Variants in JAKMIP3 observed in about 807,000 individuals in gnomAD.
The protein encoded by JAKMIP3 is janus kinase and microtubule-interacting protein 3.
In JAKMIP3, 58 loss-of-function variants were observed where a neutral mutation model predicts 118.5. The observed-to-expected ratio is 0.49, with a 90% confidence interval of 0.40 to 0.61. The LOEUF (loss-of-function observed/expected upper bound fraction) is 0.61, where lower values mean the gene tolerates loss of function less well. JAKMIP3 is among the 20% of genes least tolerant of loss of function. The pLI is 0.00. For synonymous variants in JAKMIP3, 486 were observed against 451.2 expected, an observed-to-expected ratio of 1.08 and a Z score of -0.98; for missense variants, 950 against 1,109.0, an observed-to-expected ratio of 0.86 and a Z score of 2.04.
chr10:132,059,380 T>C lies in JAKMIP3; in HGVS notation c.-138+22642T>C, dbSNP rs2038331311. On this transcript the variant is annotated intron_variant, in intron 1 of 23. Coordinates refer to the JAKMIP3 transcript ENST00000657785. ...ATATGAGCCAATATTTTCCATTTTA[T>C]TGGAGATGAAGGTGCAAGAGATTGA... 1.3e-5 allele frequency among the ~76,000 whole-genome samples: 2 copies of C among 152,232 alleles called. 1 individual carries two copies. Among genetic ancestry groups the C allele is most frequent in the South Asian group, 4.1e-4 (2 of 4,834 alleles).
At chr10:132,172,243 G>A (rs1047188402) in intron 23 of JAKMIP3, among the ~76,000 whole-genome samples, 9 of 152,278 alleles carry the variant, frequency 5.9e-5, no homozygotes, top group African/African-American at 2.2e-4. Context: ...CATCTGGGGG[G>A]CATGCCCCAG....
At chr10:132,093,521 G>T (rs894647880) in intron 1 of JAKMIP3, among the ~76,000 whole-genome samples, 4 of 152,200 alleles carry the variant, frequency 2.6e-5, no homozygotes, top group African/African-American at 9.7e-5. Flanking sequence ...CTCCGTGGGC[G>T]TGGGACCCTC....
At chr10:132,147,853 C>T (rs546621437) in intron 13 of JAKMIP3, 99 bp from the exon 14 acceptor site, 234 of 848,308 alleles carry the variant, frequency 2.8e-4, no homozygotes, top group East Asian at 4.1e-4. Context: ...CCGGCCTCCC[C>T]GGCAGCCAGC....
At chr10:132,070,440 GC>G (rs1354016494) in intron 1 of JAKMIP3, among the ~76,000 whole-genome samples, 1 of 152,140 alleles carries the variant, frequency 6.6e-6, no homozygotes, top group East Asian at 1.9e-4. Context: ...GAGCCACCGC[GC>G]CCGACCTGTC....
At chr10:132,064,683 T>C (rs998093036), upstream of JAKMIP3, among the ~76,000 whole-genome samples, 2 of 152,160 alleles carry the variant, frequency 1.3e-5, no homozygotes, top group African/African-American at 2.4e-5. The surrounding 1 kb of genome is among the most constrained non-coding windows in gnomAD (Gnocchi z 4.4). Flanking sequence ...TGGAGGGTTG[T>C]TGCATCACCC....
At chr10:132,085,977 T>C (rs2042347729) in intron 1 of JAKMIP3, among the ~76,000 whole-genome samples, 1 of 152,148 alleles carries the variant, frequency 6.6e-6, no homozygotes, top group African/African-American at 2.4e-5. Context: ...GTTTGTGCTC[T>C]TGCAGATTTT....
At chr10:132,172,967 CT>C (rs2059655614) in intron 23 of JAKMIP3, among the ~76,000 whole-genome samples, 3 of 123,858 alleles carry the variant, frequency 2.4e-5, no homozygotes, top group Non-Finnish European at 5.1e-5. Flanking sequence ...CTCTCCTTCC[CT>C]CTCTCTCCTT....
rs918325097 is a variant in JAKMIP3, at chr10:132,183,743, G to T, written c.*2490G>T. On this transcript the variant is annotated 3_prime_UTR_variant, in exon 24 of 24. Coordinates refer to ENST00000684848, the MANE Select transcript of JAKMIP3 (RefSeq NM_001323087.2). Reference sequence around the variant, plus strand: ...CATTGTTTTCACTCGTCTATCATAGGCACCTTCTTTACATCTGATTACAAT... The same window carrying T: ...CATTGTTTTCACTCGTCTATCATAGTCACCTTCTTTACATCTGATTACAAT... 1 of 152,090 alleles carries T rather than the reference G, an allele frequency of 6.6e-6. No homozygotes were observed. The highest frequency in any genetic ancestry group is 2.4e-5 in the African/African-American group (1 of 41,400). 9.4% of individuals were successfully genotyped at this position (152,090 alleles called of 1,614,324 possible).
At position 132,044,886 on chromosome 10, in the gene JAKMIP3, G is replaced by A. The variant is rs1314325751; in HGVS notation, c.-138+8148G>A. On this transcript the variant is annotated intron_variant, in intron 1 of 23. Coordinates refer to the JAKMIP3 transcript ENST00000657785. The surrounding 1 kb of genome is among the most constrained non-coding windows in gnomAD (Gnocchi z 5.3). ...GTAGAATCATGGTATTTGTGCGTGT[G>A]TGTGACTGGCGTGCTTCACCGTGTT... Among the ~76,000 whole-genome samples, 1 of 149,586 alleles carries A rather than the reference G, an allele frequency of 6.7e-6. No individual in the cohort carries two copies. The highest frequency in any genetic ancestry group is 1.5e-5 in the Non-Finnish European group (1 of 67,382).
At chr10:132,037,186 A>G (rs1589993242) in intron 1 of JAKMIP3, among the ~76,000 whole-genome samples, 1 of 152,338 alleles carries the variant, frequency 6.6e-6, no homozygotes, top group East Asian at 1.9e-4. Context: ...GGGAAGCCAG[A>G]GAATAAAGGC....
At chr10:132,063,198 C>A (rs2038463676), upstream of JAKMIP3, among the ~76,000 whole-genome samples, 1 of 152,194 alleles carries the variant, frequency 6.6e-6, no homozygotes, top group African/African-American at 2.4e-5. Context: ...TGGGATCAGA[C>A]TTGGGCCTCG....
intron 1 of JAKMIP3, among the ~76,000 whole-genome samples, chr10:132,081,478 C>A (rs926557620): frequency 1.2e-4 from 19 of 152,166 alleles, no homozygotes; most frequent in Non-Finnish European, 2.6e-4. Flanking sequence ...GTGTTGCCTG[C>A]ATCACAGACC....
rs1565021012 is a variant in JAKMIP3, at chr10:132,180,706, TGCGCGTGTGTGTGC to T, written c.*1104-1649_*1104-1636del. The stretch of plus-strand genomic sequence containing the variant: ...GCGTGTGTGTGCGTGCGTGTGTGTG[TGCGCGTGTGTGTGC>T]GTGTGTGTGCGTGTGTGCGTGCGTG... On this transcript the variant is annotated intron_variant, in intron 23 of 23. Transcript: ENST00000684848. Among the ~76,000 whole-genome samples, 8 of 25,898 alleles carry T rather than the reference TGCGCGTGTGTGTGC, an allele frequency of 3.1e-4. 3 individuals are homozygous for T. In the East Asian group the frequency reaches 0.016, roughly 51 times the overall value. 17.0% of individuals were successfully genotyped at this position (25,898 alleles called of 152,430 possible).
chr10:132,170,147 C>G (rs767077261), intron 23 of JAKMIP3: 1 of 152,308 alleles, frequency 6.6e-6, no homozygotes, highest in African/African-American at 2.4e-5. Flanking sequence ...CCCACCATCC[C>G]TCAGGACATG....
intron 1 of JAKMIP3, among the ~76,000 whole-genome samples, chr10:132,053,494 C>T (rs966286659): frequency 6.6e-6 from 1 of 152,204 alleles, no homozygotes; most frequent in Non-Finnish European, 1.5e-5. Flanking sequence ...TGCCCTCAGG[C>T]GAACACTGCT....
At chr10:132,131,192 G>T (rs932605833) in intron 3 of JAKMIP3, among the ~76,000 whole-genome samples, 1 of 151,508 alleles carries the variant, frequency 6.6e-6, no homozygotes, top group Non-Finnish European at 1.5e-5. Flanking sequence ...AGGGAGTATG[G>T]GGGCGTTGTG....
intron 1 of JAKMIP3, among the ~76,000 whole-genome samples, chr10:132,046,603 C>T (rs1318899718): frequency 2.0e-5 from 3 of 152,214 alleles, no homozygotes; most frequent in East Asian, 1.9e-4. Context: ...GCATCCGCCA[C>T]GGCTTATTTA....
At chr10:132,123,925 A>G (rs371307420) in intron 3 of JAKMIP3, among the ~76,000 whole-genome samples, 177 of 152,272 alleles carry the variant, frequency 1.2e-3, no homozygotes, top group African/African-American at 4.1e-3. Flanking sequence ...CTGGCTGTGG[A>G]TGTCCAGAGA....
chr10:132,063,137 G>T (rs1455786318), upstream of JAKMIP3, among the ~76,000 whole-genome samples: 1 of 152,148 alleles, frequency 6.6e-6, no homozygotes, highest in Non-Finnish European at 1.5e-5. Flanking sequence ...CCCCCAGAAA[G>T]GACAGGTGAC....
Sources: gnomAD v4.1 joint callset for allele counts (sites outside exome capture counted in the v4.1 genomes callset) on GRCh38, gnomAD v4.1.1 for gene constraint, Gnocchi (gnomAD v3.1) non-coding constraint, MANE v1.5 for transcripts, NCBI Gene and HGNC (gene_info 2026-07-23, HGNC 2026-07-21) for gene names.